Variants in SHISA9 observed in about 807,000 individuals in gnomAD.
SHISA9 encodes shisa family member 9, also known as protein shisa-9.
A neutral mutation model predicts 38.0 loss-of-function variants in SHISA9; 13 were observed. That is an observed-to-expected ratio of 0.34 (90% CI 0.22 to 0.54). The LOEUF (loss-of-function observed/expected upper bound fraction) is 0.54. Ranked by LOEUF, SHISA9 falls within the 20% of genes least tolerant of loss-of-function variation. SHISA9 has a pLI of 0.91. For synonymous variants in SHISA9, 275 were observed against 242.0 expected, an observed-to-expected ratio of 1.14 and a Z score of -1.27; for missense variants, 538 against 575.8, an observed-to-expected ratio of 0.93 and a Z score of 0.67.
At chr16:13,283,065 G>C in the SHISA9 span, among the ~76,000 whole-genome samples, 2 of 151,922 alleles carry the variant, frequency 1.3e-5, no homozygotes, top group African/African-American at 4.8e-5. Context: ...TATGGCTAGT[G>C]GGTTTTAATT....
chr16:13,065,805 G>T (rs11865172), intron 2 of SHISA9, among the ~76,000 whole-genome samples: 16,544 of 152,234 alleles, frequency 0.11, 1,255 homozygotes, highest in Admixed American at 0.19. Context: ...CGCTTGTCAG[G>T]ATGACTCTGC....
chr16:13,458,140 G>A, the SHISA9 span, among the ~76,000 whole-genome samples: 1 of 152,168 alleles, frequency 6.6e-6, no homozygotes, highest in Non-Finnish European at 1.5e-5. Context: ...AAACAGTGAA[G>A]GATAACATAG....
chr16:13,133,798 C>T (rs569593191), intron 2 of SHISA9, among the ~76,000 whole-genome samples: 232 of 152,248 alleles, frequency 1.5e-3, no homozygotes, highest in Non-Finnish European at 2.4e-3. Context: ...TCTATCAACT[C>T]GTTCATTCAT....
At chr16:13,243,698 C>G (rs961072106), downstream of SHISA9, among the ~76,000 whole-genome samples, 1 of 151,546 alleles carries the variant, frequency 6.6e-6, no homozygotes, top group Non-Finnish European at 1.5e-5. Flanking sequence ...ATGTCCGACC[C>G]CCACTTCTCC....
At chr16:13,407,632 T>C in the SHISA9 span, among the ~76,000 whole-genome samples, 2 of 152,182 alleles carry the variant, frequency 1.3e-5, no homozygotes, top group African/African-American at 4.8e-5. Context: ...TTCAGGGTAA[T>C]GTGTCCTGTC....
At chr16:13,081,851 CAAAA>C (rs35913412) in intron 2 of SHISA9, among the ~76,000 whole-genome samples, 1 of 86,038 alleles carries the variant, frequency 1.2e-5, no homozygotes, top group Admixed American at 1.3e-4. Context: ...GACTCCATCT[CAAAA>C]AAAAAAAAAA....
At chr16:13,293,537 C>T in the SHISA9 span, among the ~76,000 whole-genome samples, 3 of 152,316 alleles carry the variant, frequency 2.0e-5, no homozygotes, top group East Asian at 5.8e-4. Flanking sequence ...GTAGTAGAAC[C>T]TATTTCATAA....
chr16:13,359,640 C>G, the SHISA9 span, among the ~76,000 whole-genome samples: 6 of 152,142 alleles, frequency 3.9e-5, no homozygotes, highest in African/African-American at 1.4e-4. Context: ...CTCTCTGAGA[C>G]TCAGGTTCTC....
chr16:13,417,073 C>T, the SHISA9 span, among the ~76,000 whole-genome samples: 205 of 152,260 alleles, frequency 1.3e-3, 4 homozygotes, highest in South Asian at 0.033. Context: ...ATCACAAGGG[C>T]TATAACTTCC....
At chr16:13,233,913 G>A (rs1187107504) in intron 4 of SHISA9, among the ~76,000 whole-genome samples, 1 of 152,128 alleles carries the variant, frequency 6.6e-6, no homozygotes, top group Non-Finnish European at 1.5e-5. Flanking sequence ...CTACTCAGGA[G>A]AATCATCTGA....
At chr16:13,365,519 G>A in the SHISA9 span, among the ~76,000 whole-genome samples, 1 of 149,904 alleles carries the variant, frequency 6.7e-6, no homozygotes, top group Non-Finnish European at 1.5e-5. Flanking sequence ...AACAGTGGCG[G>A]GATCTTGGCT....
rs543345554 is a variant in SHISA9, at chr16:13,036,264, A to G, written c.691+119449A>G. Among the ~76,000 whole-genome samples the G allele has an allele frequency of 2.6e-5, 4 of 152,350 alleles. No homozygotes were observed. In the East Asian group the frequency reaches 7.7e-4, roughly 29 times the overall value. On this transcript the variant is annotated intron_variant, in intron 2 of 4. Transcript: ENST00000558583. The stretch of plus-strand genomic sequence containing the variant: ...CAAATCTATTCATAGGTGAGTGGAT[A>G]AACTACTTGTGTGATATATTTTAAC...
At chr16:13,206,117 C>T (rs2051061477) in intron 3 of SHISA9, among the ~76,000 whole-genome samples, 1 of 152,052 alleles carries the variant, frequency 6.6e-6, no homozygotes, top group Non-Finnish European at 1.5e-5. Context: ...CCTCACCTTC[C>T]CAGCAGAATT....
At chr16:13,050,403 C>T (rs1220965532) in intron 2 of SHISA9, among the ~76,000 whole-genome samples, 3 of 152,118 alleles carry the variant, frequency 2.0e-5, no homozygotes, top group Non-Finnish European at 2.9e-5. Flanking sequence ...GTGATCTTGG[C>T]TCACTGCAAC....
At chr16:13,034,162 AT>A (rs200922258) in intron 2 of SHISA9, among the ~76,000 whole-genome samples, 5,730 of 149,628 alleles carry the variant, frequency 0.038, 306 homozygotes, top group African/African-American at 0.13. Flanking sequence ...AAAAAAAAAA[AT>A]ACCTCCATCT....
At chr16:13,324,883 G>A in the SHISA9 span, among the ~76,000 whole-genome samples, 1,366 of 152,324 alleles carry the variant, frequency 9.0e-3, 11 homozygotes, top group Middle Eastern at 0.02. Flanking sequence ...CAGAAGGCAG[G>A]ATATCTCAAA....
chr16:13,016,814 T>C (rs1240053074), intron 2 of SHISA9, among the ~76,000 whole-genome samples: 3 of 152,216 alleles, frequency 2.0e-5, no homozygotes, highest in Non-Finnish European at 2.9e-5. Context: ...GGACATGTTG[T>C]TGTGGTACTT....
the SHISA9 span, among the ~76,000 whole-genome samples, chr16:13,554,864 A>G: frequency 6.6e-6 from 1 of 152,188 alleles, no homozygotes; most frequent in Admixed American, 6.5e-5. Context: ...ATTTTGAATC[A>G]TGAGGGGCAT....
intron 1 of SHISA9, among the ~76,000 whole-genome samples, chr16:12,905,591 T>G (rs538047365): frequency 6.3e-5 from 9 of 142,124 alleles, no homozygotes; most frequent in Non-Finnish European, 1.1e-4. Flanking sequence ...CTTATTTTAT[T>G]TGCATTTTTT....
Sources: allele counts gnomAD v4.1 joint callset (sites outside exome capture counted in the v4.1 genomes callset), GRCh38; gene constraint gnomAD v4.1.1; transcripts MANE v1.5; gene names NCBI Gene and HGNC (gene_info 2026-07-23, HGNC 2026-07-21).